Variants in NPEPPS observed in about 807,000 individuals in gnomAD.
The protein encoded by NPEPPS is aminopeptidase puromycin sensitive.
Under a neutral mutation model 115.5 loss-of-function variants are expected in NPEPPS, and 14 were observed. That is an observed-to-expected ratio of 0.12 (90% CI 0.08 to 0.19). The LOEUF (loss-of-function observed/expected upper bound fraction) is 0.19. NPEPPS is among the 10% of genes least tolerant of loss of function. The pLI is 1.00. For missense variants in NPEPPS, 523 were observed against 1,110.8 expected, an observed-to-expected ratio of 0.47 and a Z score of 7.52; for synonymous variants, 285 against 390.6, an observed-to-expected ratio of 0.73 and a Z score of 3.19.
intron 19 of NPEPPS, among the ~76,000 whole-genome samples, chr17:47,615,932 TATG>T (rs746173879): frequency 2.0e-5 from 3 of 152,202 alleles, no homozygotes; most frequent in Non-Finnish European, 2.9e-5. Context: ...AGGGTTGTCT[TATG>T]ATGGTAATTT....
intron 3 of NPEPPS, among the ~76,000 whole-genome samples, chr17:47,575,894 C>T (rs540813489): frequency 6.6e-6 from 1 of 152,118 alleles, no homozygotes; most frequent in Admixed American, 6.6e-5. Flanking sequence ...AGGTGTGAGC[C>T]ACCACGCCCC....
At chr17:47,526,813 C>T (rs1207433211), upstream of NPEPPS, among the ~76,000 whole-genome samples, 3 of 151,952 alleles carry the variant, frequency 2.0e-5, no homozygotes, top group East Asian at 5.8e-4. Context: ...GAAAAATTAG[C>T]TGGGCTTGGT....
chr17:47,607,715 G>T (rs879671469), intron 17 of NPEPPS, among the ~76,000 whole-genome samples: 2 of 152,148 alleles, frequency 1.3e-5, no homozygotes, highest in Non-Finnish European at 2.9e-5. Context: ...TATTTTGAAG[G>T]TGCAACTGAA....
intron 8 of NPEPPS, 74 bp downstream of exon 8, chr17:47,586,472 A>C (rs1158084135): frequency 1.8e-5 from 18 of 976,130 alleles, no homozygotes; most frequent in Non-Finnish European, 1.6e-6. Context: ...TCCTAATCAC[A>C]GTTGAGTAGC....
chr17:47,609,126 A>G (rs1314620365), intron 17 of NPEPPS, among the ~76,000 whole-genome samples: 1 of 152,160 alleles, frequency 6.6e-6, no homozygotes, highest in Non-Finnish European at 1.5e-5. Context: ...ATTTGAACAT[A>G]TGCGGTAGTA....
At chr17:47,612,663 C>CTTT (rs35841962) in intron 18 of NPEPPS, 61 bp downstream of exon 18, 175 of 1,091,962 alleles carry the variant, frequency 1.6e-4, no homozygotes, top group East Asian at 2.7e-4. Context: ...AAGCATGGAA[C>CTTT]TTTTTTTTTT....
At chr17:47,591,335 C>T (rs560624901) in intron 10 of NPEPPS, among the ~76,000 whole-genome samples, 1 of 152,116 alleles carries the variant, frequency 6.6e-6, no homozygotes, top group South Asian at 2.1e-4. Flanking sequence ...CGTGCCATTG[C>T]ACTCCAGCCT....
intron 16 of NPEPPS, among the ~76,000 whole-genome samples, chr17:47,605,008 A>C (rs919319251): frequency 6.6e-6 from 1 of 152,242 alleles, no homozygotes; most frequent in African/African-American, 2.4e-5. Flanking sequence ...AAGTCCCCAG[A>C]AACTGAGTAG....
chr17:47,536,003 A>T (rs1256588046), intron 1 of NPEPPS, among the ~76,000 whole-genome samples: 1 of 151,492 alleles, frequency 6.6e-6, no homozygotes, highest in Non-Finnish European at 1.5e-5. Context: ...TGCCTGGCTG[A>T]TTTTTTTGTA....
chr17:47,529,812 TGA>T (rs1429057039), upstream of NPEPPS, among the ~76,000 whole-genome samples: 1 of 123,982 alleles, frequency 8.1e-6, no homozygotes, highest in African/African-American at 2.9e-5. Context: ...TCTACAGAAC[TGA>T]GAGAGCCACA....
chr17:47,619,074 T>C lies in NPEPPS; in HGVS notation c.2469T>C (p.Gly823=), dbSNP rs776281814. 5 of 1,613,822 alleles carry C rather than the reference T, an allele frequency of 3.1e-6. No individual in the cohort carries two copies. The Admixed American group carries it at 5.0e-5, about 16-fold the overall frequency. Reference sequence around the variant, plus strand: ...GAGTAGCTGGAGGCAGCAAGCATGGTAGGAAAGCTGCTTGGAAATTCATAA... The same window carrying C: ...GAGTAGCTGGAGGCAGCAAGCATGGCAGGAAAGCTGCTTGGAAATTCATAA... ...IGGVAGGSKH[G]RKAAWKFIKD... Residue 823 remains glycine, a synonymous_variant, in exon 21 of 23, where the codon GGT becomes GGC. Transcript: ENST00000322157.
chr17:47,597,739 T>G (rs966609311), intron 13 of NPEPPS, among the ~76,000 whole-genome samples: 1 of 152,228 alleles, frequency 6.6e-6, no homozygotes, highest in Non-Finnish European at 1.5e-5. Flanking sequence ...TTTCTGCACA[T>G]TTGTATTCTA....
intron 2 of NPEPPS, among the ~76,000 whole-genome samples, chr17:47,551,206 A>C (rs1355421603): frequency 6.6e-6 from 1 of 152,082 alleles, no homozygotes; most frequent in Non-Finnish European, 1.5e-5. Context: ...ATGTGTATAC[A>C]TGAATAACTG....
At chr17:47,545,748 C>T (rs1461178454) in intron 1 of NPEPPS, among the ~76,000 whole-genome samples, 161 bp from the exon 2 acceptor site, 1 of 151,998 alleles carries the variant, frequency 6.6e-6, no homozygotes, top group Non-Finnish European at 1.5e-5. Context: ...GGGGTTTCGC[C>T]ATGTTTTCCA....
At chr17:47,559,127 T>G (rs1256049560) in intron 2 of NPEPPS, among the ~76,000 whole-genome samples, 1 of 151,274 alleles carries the variant, frequency 6.6e-6, no homozygotes, top group South Asian at 2.1e-4. Flanking sequence ...TACTGCAACC[T>G]CAAACTCCTG....
chr17:47,583,562 G>A (rs1463996084), intron 5 of NPEPPS, among the ~76,000 whole-genome samples: 1 of 151,742 alleles, frequency 6.6e-6, no homozygotes, highest in Admixed American at 6.6e-5. Flanking sequence ...TCCAGCCTGG[G>A]TGACAGAGCC....
At chr17:47,595,026 G>A (rs1567863224) in intron 12 of NPEPPS, among the ~76,000 whole-genome samples, 1 of 152,052 alleles carries the variant, frequency 6.6e-6, no homozygotes, top group Non-Finnish European at 1.5e-5. Flanking sequence ...CGCCTCCTGG[G>A]TTCAAGTGAT....
chr17:47,584,184 C>G lies in NPEPPS; in HGVS notation c.649-1316C>G, dbSNP rs1226991477. ...TGCAGTGAGTTGAGATCGCGCCACT[C>G]CACTCCAGCCTGGGTGACAGAGCAA... On this transcript the variant is annotated intron_variant, in intron 5 of 22. Transcript: ENST00000322157. Among the ~76,000 whole-genome samples, 6 of 145,286 alleles carry G rather than the reference C, an allele frequency of 4.1e-5. No homozygotes were observed. In the East Asian group the frequency reaches 1.2e-3, roughly 30 times the overall value.
intron 2 of NPEPPS, among the ~76,000 whole-genome samples, chr17:47,566,049 A>G (rs1208251827): frequency 1.3e-5 from 2 of 152,164 alleles, no homozygotes; most frequent in Non-Finnish European, 2.9e-5. Context: ...ATGGGAGTGC[A>G]GTGGCATGAT....
Sources: allele counts gnomAD v4.1 joint callset (sites outside exome capture counted in the v4.1 genomes callset), GRCh38; gene constraint gnomAD v4.1.1; transcripts MANE v1.5; gene names NCBI Gene and HGNC (gene_info 2026-07-23, HGNC 2026-07-21).